Variants in PRRC2A observed in about 807,000 individuals in gnomAD.
PRRC2A encodes the protein proline rich coiled-coil 2A.
PRRC2A carries 59 observed loss-of-function variants against 224.6 expected under a neutral mutation model. That is an observed-to-expected ratio of 0.26 (90% confidence interval 0.21 to 0.33). The LOEUF is 0.33. PRRC2A is among the 10% of genes least tolerant of loss of function. The probability of loss-of-function intolerance (pLI) is 1.00; values close to 1 mark genes in which losing one functional copy is unlikely to be tolerated. For synonymous variants in PRRC2A, 1,194 were observed against 1,109.5 expected (o/e 1.08, Z -1.51); for missense variants, 3,095 against 2,880.7 (o/e 1.07, Z -1.70).
Position 31,635,914 on chromosome 6 carries a change from T to C in PRRC2A, c.5542-53T>C. 3 of 1,513,392 alleles carry C rather than the reference T, an allele frequency of 2.0e-6. 1 individual carries two copies. The South Asian group carries it at 3.7e-5, about 18-fold the overall frequency. The allele number at this position is 1,513,392 out of a possible 1,614,324, so 93.7% of individuals were successfully genotyped here. On this transcript the variant is annotated intron_variant, in intron 24 of 30. Coordinates refer to ENST00000376033, the MANE Select transcript of PRRC2A (RefSeq NM_004638.4). ...GCTTCTATGGGTGGGATGGTGATCT[T>C]TTTTCTTGACCACAGATACTAAAGC...
chr6:31,627,879 C>T lies in PRRC2A; in HGVS notation c.1405C>T (p.Arg469Ter). The T allele has an allele frequency of 6.2e-7, 1 of 1,612,998 alleles. No homozygotes were observed. Among genetic ancestry groups the T allele is most frequent in the Non-Finnish European group, 8.5e-7 (1 of 1,180,032 alleles). The change falls in exon 12 of 31, where the codon CGA becomes TGA. Residue 469 changes from arginine to a stop codon, truncating the protein, a stop_gained. Coordinates refer to ENST00000376033, the MANE Select transcript of PRRC2A (RefSeq NM_004638.4). LOFTEE classifies it high-confidence loss of function. The surrounding 1 kb of genome is among the most constrained non-coding windows in gnomAD (Gnocchi z 5.6). ...EISLAVERAR[R>*]RREEEERRMQ... ...TTCCCTGGCAGTGGAGCGGGCCCGG[C>T]GACGGCGAGAAGAAGAGGAGCGGCG...
At position 31,637,443 on chromosome 6, in the gene PRRC2A, T is replaced by C. The variant is rs767323598; in HGVS notation, c.6334-3T>C. On this transcript the variant is annotated splice_polypyrimidine_tract_variant and splice_region_variant and intron_variant, in intron 30 of 30. Coordinates refer to ENST00000376033, the MANE Select transcript of PRRC2A (RefSeq NM_004638.4). Reference sequence around the variant, plus strand: ...CACTGTTTAACACATGCCTGTCCCCTAGGCCTCCCCACCAGATGCCCTGCG... The same window carrying C: ...CACTGTTTAACACATGCCTGTCCCCCAGGCCTCCCCACCAGATGCCCTGCG... The C allele has an allele frequency of 6.3e-7, 1 of 1,583,724 alleles. No individual in the cohort carries two copies. The highest frequency in any genetic ancestry group is 8.6e-7 in the Non-Finnish European group (1 of 1,162,476).
At chr6:31,630,549 G>A in intron 14 of PRRC2A, 42 bp from the exon 15 acceptor site, 1 of 1,606,228 alleles carries the variant, frequency 6.2e-7, no homozygotes, top group Non-Finnish European at 8.5e-7. Context: ...GAGGGCTTGT[G>A]ACATGAATAG....
In PRRC2A at chr6:31,635,222, C is replaced by A. The variant is rs759643328; in HGVS notation, c.5251C>A (p.Arg1751=). The part of the protein sequence containing the change: ...TDRGTEPGPI[R]PSHRPGPPVQ... The stretch of plus-strand genomic sequence containing the variant: ...CCGAGGCACAGAGCCTGGCCCCATT[C>A]GGCCATCCCATCGACCTGGTCCCCC... The change falls in exon 22 of 31, where the codon CGG becomes AGG. Residue 1751 remains arginine (R), a synonymous_variant. Transcript: ENST00000376033. 1.9e-6 allele frequency: 3 copies of A among 1,614,228 alleles called. No homozygotes were observed. The highest frequency in any genetic ancestry group is 1.1e-5 in the South Asian group (1 of 91,090).
chr6:31,626,894 G>C, intron 10 of PRRC2A, 32 bp downstream of exon 10: 1 of 1,612,706 alleles, frequency 6.2e-7, no homozygotes. Context: ...AGAAGAGGAG[G>C]GGGTCTTGGT....
Position 31,635,598 on chromosome 6 carries a change from G to A in PRRC2A, c.5390G>A (p.Arg1797Gln). 3 of 1,610,992 alleles carry A rather than the reference G, an allele frequency of 1.9e-6. No homozygotes were observed. Among genetic ancestry groups the A allele is most frequent in the Non-Finnish European group, 2.5e-6 (3 of 1,178,708 alleles). Residue 1797 changes from arginine (R) to glutamine (Q), a missense_variant, in exon 24 of 31, where the codon CGA (arginine) becomes CAA (glutamine). Around this residue, in one of 8 missense-constraint regions of PRRC2A, gnomAD observed 662 missense variants for 609.5 expected, o/e 1.09. Transcript: ENST00000376033. ...ASVTEAIPVS[R>Q]DWELLPSAAA... ...CCTTCCCAGGCCATTCCTGTATCACGAGACTGGGAGCTGCTTCCCAGTGCT... is the reference window on the plus strand; with the variant it reads ...CCTTCCCAGGCCATTCCTGTATCACAAGACTGGGAGCTGCTTCCCAGTGCT...
At chr6:31,622,633 C>A in intron 1 of PRRC2A, 57 bp from the exon 2 acceptor site, 1 of 612,636 alleles carries the variant, frequency 1.6e-6, no homozygotes, top group Non-Finnish European at 2.9e-6. Flanking sequence ...GGCCTCATAT[C>A]TGAGTCCCTA....
intron 1 of PRRC2A, among the ~76,000 whole-genome samples, chr6:31,622,360 A>G (rs1313401950): frequency 6.6e-6 from 1 of 152,188 alleles, no homozygotes; most frequent in Non-Finnish European, 1.5e-5. Context: ...CTCTTGCTTG[A>G]ATTTGTCCTG....
chr6:31,635,470 G>A lies in PRRC2A; in HGVS notation c.5373+5G>A, dbSNP rs554398303. ...CTAACAGCATCAGTCACTGAGGTAA[G>A]TGGGAGTAAGAGTTTGGTGGAAAGG... is the stretch of plus-strand genomic sequence containing the variant. On this transcript the variant is annotated splice_donor_5th_base_variant and intron_variant, in intron 23 of 30. Coordinates refer to ENST00000376033, the MANE Select transcript of PRRC2A (RefSeq NM_004638.4). 34 of 1,614,052 alleles carry A rather than the reference G, an allele frequency of 2.1e-5. 2 individuals carry two copies. In the South Asian group the frequency reaches 3.6e-4, roughly 17 times the overall value.
At chr6:31,635,871 T>G in intron 24 of PRRC2A, 96 bp from the exon 25 acceptor site, 1 of 1,444,756 alleles carries the variant, frequency 6.9e-7, no homozygotes. Flanking sequence ...TGTCACATCA[T>G]TTTTCTCCCT....
At chr6:31,630,322 G>C (rs1231796512) in intron 14 of PRRC2A, among the ~76,000 whole-genome samples, 1 of 134,682 alleles carries the variant, frequency 7.4e-6, no homozygotes, top group Non-Finnish European at 1.7e-5. Context: ...TCTCAAAAAT[G>C]AATGAATGAA....
At chr6:31,622,279 T>C (rs998753090) in intron 1 of PRRC2A, among the ~76,000 whole-genome samples, 4 of 152,244 alleles carry the variant, frequency 2.6e-5, no homozygotes, top group African/African-American at 9.6e-5. Flanking sequence ...GGAGCTTGTG[T>C]CCAATAAACA....
Position 31,630,775 on chromosome 6 carries a change from T to A in PRRC2A, c.2439T>A (p.Ala813=). 17 of 1,614,098 alleles carry A rather than the reference T, an allele frequency of 1.1e-5. No individual in the cohort carries two copies. The highest frequency in any genetic ancestry group is 1.4e-5 in the Non-Finnish European group (17 of 1,180,004). ...PRPLTSPLRQ[A]ADEDDKGMRS... The stretch of plus-strand genomic sequence containing the variant: ...CACTTACCTCACCTCTGCGCCAGGC[T>A]GCGGATGAGGATGACAAGGGGATGA... Residue 813 remains alanine (A), a synonymous_variant, in exon 15 of 31, where the codon GCT becomes GCA. Coordinates refer to ENST00000376033, the MANE Select transcript of PRRC2A (RefSeq NM_004638.4).
In PRRC2A at chr6:31,631,217, G is replaced by T. The variant is rs114359929; in HGVS notation, c.2544G>T (p.Gly848=). Residue 848 remains glycine (G), a synonymous_variant, in exon 16 of 31, where the codon GGG becomes GGT. Coordinates refer to ENST00000376033, the MANE Select transcript of PRRC2A (RefSeq NM_004638.4). The surrounding 1 kb of genome is among the most constrained non-coding windows in gnomAD (Gnocchi z 4.5). The part of the protein sequence containing the change: ...YPGFPENGAP[G]PPISRFPLEE... ...GCTTTCCTGAGAATGGAGCCCCTGGGCCCCCAATCTCTCGCTTTCCTCTGG... is the reference window on the plus strand; with the variant it reads ...GCTTTCCTGAGAATGGAGCCCCTGGTCCCCCAATCTCTCGCTTTCCTCTGG... 30 of 1,606,492 alleles carry T rather than the reference G, an allele frequency of 1.9e-5. 1 individual carries two copies. The South Asian group carries it at 2.9e-4, about 15-fold the overall frequency.
intron 16 of PRRC2A, 82 bp from the exon 17 acceptor site, chr6:31,633,297 G>C: frequency 6.5e-7 from 1 of 1,542,982 alleles, no homozygotes; most frequent in Non-Finnish European, 8.8e-7. Flanking sequence ...AGAATAGGTT[G>C]TAAGCAGAAG....
intron 1 of PRRC2A, among the ~76,000 whole-genome samples, chr6:31,622,187 T>G (rs1775367403): frequency 6.6e-6 from 1 of 152,214 alleles, no homozygotes; most frequent in South Asian, 2.1e-4. Context: ...ACTCCCAGCA[T>G]ACCTTCCTGC....
intron 16 of PRRC2A, 67 bp from the exon 17 acceptor site, chr6:31,633,312 G>C: frequency 3.2e-6 from 5 of 1,559,268 alleles, no homozygotes; most frequent in Non-Finnish European, 3.5e-6. Flanking sequence ...CAGAAGTTGG[G>C]AAACATAACT....
Position 31,632,684 on chromosome 6 carries a change from C to T in PRRC2A, c.4011C>T (p.Asp1337=). Reference sequence around the variant, plus strand: ...ACTTCACCAGTGAGCGCCGAGGGGACAAAGAGGCACCCCCACCAGTACTGC... The same window carrying T: ...ACTTCACCAGTGAGCGCCGAGGGGATAAAGAGGCACCCCCACCAGTACTGC... ...SSDFTSERRG[D]KEAPPPVLLT... Residue 1337 remains aspartate, a synonymous_variant, in exon 16 of 31, where the codon GAC becomes GAT. Transcript: ENST00000376033. The T allele has an allele frequency of 6.2e-7, 1 of 1,613,108 alleles. No individual in the cohort carries two copies. Among genetic ancestry groups the T allele is most frequent in the Non-Finnish European group, 8.5e-7 (1 of 1,180,038 alleles).
rs754666563 is a variant in PRRC2A, at chr6:31,632,234, T to C, written c.3561T>C (p.Pro1187=). 6.2e-7 allele frequency: 1 copy of C among 1,612,600 alleles called. No individual in the cohort carries two copies. Among genetic ancestry groups the C allele is most frequent in the African/African-American group, 1.3e-5 (1 of 74,874 alleles). ...CTCAAGTTTGCCCAGGCTGGAGCCC[T>C]CCAGCCAAGTCTCTGGCTCCCAAGA... ...PPPQVCPGWS[P]PAKSLAPKKP... Residue 1187 remains proline, a synonymous_variant, in exon 16 of 31, where the codon CCT becomes CCC. Transcript: ENST00000376033.
Sources: allele counts gnomAD v4.1 joint callset (sites outside exome capture counted in the v4.1 genomes callset), GRCh38; gene constraint gnomAD v4.1.1; regional missense constraint gnomAD v4.1.1; non-coding constraint Gnocchi (gnomAD v3.1); transcripts MANE v1.5; gene names NCBI Gene and HGNC (gene_info 2026-07-23, HGNC 2026-07-21).